APBA3: variants seen among roughly 807,000 people sequenced by gnomAD.
APBA3 encodes the protein amyloid beta precursor protein binding family A member 3.
Under a neutral mutation model 55.9 loss-of-function variants are expected in APBA3, and 45 were observed. The observed-to-expected ratio is 0.80, with a 90% CI of 0.63 to 1.03. The LOEUF is 1.03. APBA3 is among the 50% of genes least tolerant of loss of function. The pLI, the probability that APBA3 is intolerant of heterozygous loss-of-function variation, is 0.00. For synonymous variants in APBA3, 370 were observed against 353.3 expected, an observed-to-expected ratio of 1.05 and a Z score of -0.53; for missense variants, 865 against 820.3, an observed-to-expected ratio of 1.05 and a Z score of -0.67.
intron 1 of APBA3, among the ~76,000 whole-genome samples, chr19:3,760,811 C>G (rs1316676048): frequency 6.7e-6 from 1 of 150,304 alleles, no homozygotes; most frequent in African/African-American, 2.4e-5. Context: ...ACTTGGGAGG[C>G]TGAGGTGGGA....
intron 1 of APBA3, among the ~76,000 whole-genome samples, 166 bp downstream of exon 1, chr19:3,761,370 C>T (rs2037144450): frequency 6.6e-6 from 1 of 152,178 alleles, no homozygotes; most frequent in Non-Finnish European, 1.5e-5. Context: ...CCCAAGACGC[C>T]ATAAGGCGGA....
chr19:3,754,309 C>T lies in APBA3; in HGVS notation c.648G>A (p.Leu216=). The T allele has an allele frequency of 6.4e-7, 1 of 1,558,670 alleles. No individual in the cohort carries two copies. Among genetic ancestry groups the T allele is most frequent in the Non-Finnish European group, 8.7e-7 (1 of 1,153,384 alleles). Residue 216 remains leucine (L), a synonymous_variant, in exon 4 of 11, where the codon CTG becomes CTA. Transcript: ENST00000316757. ...ACCTGGCCCCAAATATGACACCGTC[C>T]AGGAGGTCTTCATGGTCACAGGGAC... The part of the protein sequence containing the change: ...VPGPCDHEDL[L]DGVIFGARYL...
chr19:3,752,107 G>A (rs1271063669), intron 8 of APBA3, among the ~76,000 whole-genome samples: 2 of 152,168 alleles, frequency 1.3e-5, no homozygotes, highest in Admixed American at 1.3e-4. Flanking sequence ...CCAGCTACTC[G>A]GGAGGCTGAG....
Position 3,755,266 on chromosome 19 carries a change from A to C in APBA3, c.617-926T>G, listed in dbSNP as rs1467344266. ...ATAGCAATTCTGTCAGGAGTTTTAGAATCTTATTATCACTCTAGAATCAGA... is the reference window on the plus strand; with the variant it reads ...ATAGCAATTCTGTCAGGAGTTTTAGCATCTTATTATCACTCTAGAATCAGA... On this transcript the variant is annotated intron_variant, in intron 3 of 10. Transcript: ENST00000316757. The C allele has an allele frequency of 2.0e-5, 3 of 152,238 alleles. No homozygotes were observed. The East Asian group carries it at 5.8e-4, about 29-fold the overall frequency. The allele number at this position is 152,238 out of a possible 1,614,324, so 9.4% of individuals were successfully genotyped here. A position where few individuals can be genotyped will look rare whatever the true frequency, so the allele number is the denominator to read the frequency against.
At position 3,750,852 on chromosome 19, in the gene APBA3, G is replaced by C; in HGVS notation, c.*174C>G. ...GCTTCCAGGAAGGACAAGGTCCTCG[G>C]TCCCGTAGACCCTGATCCGAGACTT... is the stretch of plus-strand genomic sequence containing the variant. On this transcript the variant is annotated 3_prime_UTR_variant, in exon 11 of 11. Coordinates refer to ENST00000316757, the MANE Select transcript of APBA3 (RefSeq NM_004886.4). 1.0e-6 allele frequency: 1 copy of C among 978,332 alleles called. No individual in the cohort carries two copies. The highest frequency in any genetic ancestry group is 1.5e-5 in the South Asian group (1 of 67,298). The allele number at this position is 978,332 out of a possible 1,614,324, so 60.6% of individuals were successfully genotyped here.
In APBA3 at chr19:3,752,633, C is replaced by T. The variant is rs774722977; in HGVS notation, c.1270G>A (p.Ala424Thr). The change falls in exon 8 of 11, where the codon GCC (alanine) becomes ACC (threonine). Residue 424 changes from alanine (A) to threonine (T), a missense_variant. By Grantham distance (58) the Ala-to-Thr change is moderately conservative. Coordinates refer to ENST00000316757, the MANE Select transcript of APBA3 (RefSeq NM_004886.4). ...WGSLLPTAVI[A>T]NLLHGGPAER... ...GCAGGCCCCCCGTGCAGCAGGTTGGCGATGACGGCTGTGGGCAGCAGGGAG... is the reference window on the plus strand; with the variant it reads ...GCAGGCCCCCCGTGCAGCAGGTTGGTGATGACGGCTGTGGGCAGCAGGGAG... 2.8e-5 allele frequency: 45 copies of T among 1,588,024 alleles called. No individual in the cohort carries two copies. Among genetic ancestry groups the T allele is most frequent in the Non-Finnish European group, 3.4e-5 (40 of 1,172,936 alleles).
At chr19:3,753,128 G>C in intron 6 of APBA3, 138 bp from the exon 7 acceptor site, 1 of 997,906 alleles carries the variant, frequency 1.0e-6, no homozygotes, top group South Asian at 1.7e-5. Context: ...CTGCCCTGGG[G>C]CTTTGGGGGA....
In APBA3 at chr19:3,760,185, G is replaced by T; in HGVS notation, c.80C>A (p.Pro27His). 1 of 1,613,036 alleles carries T rather than the reference G, an allele frequency of 6.2e-7. No individual in the cohort carries two copies. Among genetic ancestry groups the T allele is most frequent in the Non-Finnish European group, 8.5e-7 (1 of 1,180,004 alleles). The change falls in exon 2 of 11, where the codon CCT becomes CAT. Residue 27 changes from proline to histidine, a missense_variant. Coordinates refer to ENST00000316757, the MANE Select transcript of APBA3 (RefSeq NM_004886.4). ...GCTGTCAGGGGTGAGGTCCTCCGAAGGCACAAGAATGTCCCTGGGCCCCTC... is the reference window on the plus strand; with the variant it reads ...GCTGTCAGGGGTGAGGTCCTCCGAATGCACAAGAATGTCCCTGGGCCCCTC... ...DLEGPRDILV[P>H]SEDLTPDSQW...
Position 3,752,948 on chromosome 19 carries a change from C to T in APBA3, c.1054G>A (p.Ala352Thr), listed in dbSNP as rs1380985242. 8 of 1,612,952 alleles carry T rather than the reference C, an allele frequency of 5.0e-6. No individual in the cohort carries two copies. The highest frequency in any genetic ancestry group is 1.6e-4 in the Middle Eastern group (1 of 6,084). ...AQAIGQAFAAAYSQFLRESGI... is the reference protein window; with the variant it reads ...AQAIGQAFAATYSQFLRESGI... ...CTTTCCCGTAGGAACTGGCTGTAGGCGGCGGCGAAGGCCTGGCCAATGGCC... is the reference window on the plus strand; with the variant it reads ...CTTTCCCGTAGGAACTGGCTGTAGGTGGCGGCGAAGGCCTGGCCAATGGCC... Residue 352 changes from alanine (A) to threonine (T), a missense_variant, in exon 7 of 11, where the codon GCC (alanine) becomes ACC (threonine). Coordinates refer to ENST00000316757, the MANE Select transcript of APBA3 (RefSeq NM_004886.4).
intron 6 of APBA3, 160 bp downstream of exon 6, chr19:3,753,605 C>A: frequency 1.4e-6 from 1 of 708,028 alleles, no homozygotes; most frequent in Non-Finnish European, 2.2e-6. Flanking sequence ...ATGATTGCGC[C>A]ACTGCACTCC....
At position 3,751,313 on chromosome 19, in the gene APBA3, C is replaced by G. The variant is rs148643624; in HGVS notation, c.1532G>C (p.Arg511Pro). Residue 511 changes from arginine (R) to proline (P), a missense_variant, in exon 10 of 11, where the codon CGT (arginine) becomes CCT (proline). Arg to Pro is a moderately radical substitution (Grantham distance 103). Coordinates refer to ENST00000316757, the MANE Select transcript of APBA3 (RefSeq NM_004886.4). ...GCCCCCACGCTCGGCGATGCCACCA[C>G]GGAGGAGGCTGCAGATCTGGGGGAG... ...VEDGIICSLL[R>P]GGIAERGGIR... 6.5e-7 allele frequency: 1 copy of G among 1,536,738 alleles called. No homozygotes were observed. The highest frequency in any genetic ancestry group is 1.2e-5 in the South Asian group (1 of 83,736).
rs772922674 is a variant in APBA3 at position 3,753,748 on chromosome 19, G to A, written c.1011+17C>T. On this transcript the variant is annotated intron_variant, in intron 6 of 10. Transcript: ENST00000316757. ...AGGAGGGCCTCAGGAGGGTGGCCCC[G>A]CGCCCTGGCTGCTCACGTCCTCCGC... 64 of 1,493,668 alleles carry A rather than the reference G, an allele frequency of 4.3e-5. No homozygotes were observed. The highest frequency in any genetic ancestry group is 5.2e-5 in the South Asian group (4 of 76,892). 92.5% of individuals were successfully genotyped at this position (1,493,668 alleles called of 1,614,324 possible). A position where few individuals can be genotyped will look rare whatever the true frequency, so the allele number is the denominator to read the frequency against.
At position 3,759,774 on chromosome 19, in the gene APBA3, C is replaced by T. The variant is rs765983166; in HGVS notation, c.491G>A (p.Gly164Asp). Reference sequence around the variant, plus strand: ...CGGGGAACTGCTTGAGCTCCTGCTGCCCTCCTGCTCAGCAGAGGCCCCCTC... The same window carrying T: ...CGGGGAACTGCTTGAGCTCCTGCTGTCCTCCTGCTCAGCAGAGGCCCCCTC... ...WVEGASAEQE[G>D]SRSSSSSPEP... The change falls in exon 2 of 11, where the codon GGC becomes GAC. Residue 164 changes from glycine (G) to aspartate (D), a missense_variant. Physicochemically the swap from Gly to Asp is moderately conservative, Grantham distance 94 (BLOSUM62 -1). Coordinates refer to ENST00000316757, the MANE Select transcript of APBA3 (RefSeq NM_004886.4). The T allele has an allele frequency of 3.7e-6, 6 of 1,612,632 alleles. No individual in the cohort carries two copies. In the South Asian group the frequency reaches 6.6e-5, roughly 18 times the overall value.
chr19:3,754,199 A>G lies in APBA3; in HGVS notation c.758T>C (p.Val253Ala). ...CGGCCCCGGCCGCCCCCTCACCTTGACGCGGTCCATGGCCTCCCGGGCCTG... is the reference window on the plus strand; with the variant it reads ...CGGCCCCGGCCGCCCCCTCACCTTGGCGCGGTCCATGGCCTCCCGGGCCTG... ...MAQAREAMDR[V>A]KAPDGETQPM... Residue 253 changes from valine to alanine, a missense_variant, in exon 4 of 11, where the codon GTC becomes GCC. Coordinates refer to ENST00000316757, the MANE Select transcript of APBA3 (RefSeq NM_004886.4). 2 of 1,541,464 alleles carry G rather than the reference A, an allele frequency of 1.3e-6. No individual in the cohort carries two copies. Among genetic ancestry groups the G allele is most frequent in the East Asian group, 4.9e-5 (2 of 40,748 alleles).
rs1491265602 is a variant in APBA3, at chr19:3,752,731, CAG to C, written c.1183-13_1183-12del. ...CTTCTCGAGGTGCACCTGGGACACA[CAG>C]GGGGCGCGGAGGCTGCTCAGCAGGG... is the stretch of plus-strand genomic sequence containing the variant. On this transcript the variant is annotated splice_polypyrimidine_tract_variant and intron_variant, in intron 7 of 10. Coordinates refer to ENST00000316757, the MANE Select transcript of APBA3 (RefSeq NM_004886.4). 112 of 1,604,116 alleles carry C rather than the reference CAG, an allele frequency of 7.0e-5. No homozygotes were observed. Among genetic ancestry groups the C allele is most frequent in the South Asian group, 2.1e-4 (19 of 90,540 alleles).
chr19:3,761,051 C>T (rs2037140896), intron 1 of APBA3, among the ~76,000 whole-genome samples: 1 of 152,154 alleles, frequency 6.6e-6, no homozygotes, highest in Non-Finnish European at 1.5e-5. Flanking sequence ...GTTAGGATTC[C>T]CATTTTACAG....
At chr19:3,754,372 A>G in intron 3 of APBA3, 32 bp from the exon 4 acceptor site, 1 of 1,537,716 alleles carries the variant, frequency 6.5e-7, no homozygotes, top group Non-Finnish European at 8.7e-7. Context: ...GTCGGCCCCC[A>G]GGGGCCCACT....
At chr19:3,758,651 G>A (rs533640933) in intron 3 of APBA3, among the ~76,000 whole-genome samples, 3 of 152,028 alleles carry the variant, frequency 2.0e-5, no homozygotes, top group South Asian at 2.1e-4. Flanking sequence ...AGGCCAAGGC[G>A]GGCGGATCAC....
intron 3 of APBA3, chr19:3,756,440 T>A (rs1025727796): frequency 6.6e-6 from 1 of 152,128 alleles, no homozygotes; most frequent in Non-Finnish European, 1.5e-5. Context: ...GATTGCGCCA[T>A]TGCACTCCAG....
Sources: allele counts gnomAD v4.1 joint callset (sites outside exome capture counted in the v4.1 genomes callset), GRCh38; gene constraint gnomAD v4.1.1; transcripts MANE v1.5; gene names NCBI Gene and HGNC (gene_info 2026-07-23, HGNC 2026-07-21).